Variants in SNTG1 observed in about 807,000 individuals in gnomAD.
SNTG1 encodes the protein syntrophin gamma 1.
A neutral mutation model predicts 74.7 loss-of-function variants in SNTG1; 39 were observed. That is an observed-to-expected ratio of 0.52 (90% CI 0.40 to 0.68). SNTG1 has a LOEUF of 0.68. Ranked by LOEUF, SNTG1 falls within the 30% of genes least tolerant of loss-of-function variation. The probability of loss-of-function intolerance (pLI) is 0.00; values close to 1 mark genes in which losing one functional copy is unlikely to be tolerated. For synonymous variants in SNTG1, 254 were observed against 217.1 expected, an observed-to-expected ratio of 1.17 and a Z score of -1.49; for missense variants, 685 against 609.5, an observed-to-expected ratio of 1.12 and a Z score of -1.30.
At chr8:50,371,034 C>A (rs763916466) in intron 2 of SNTG1, among the ~76,000 whole-genome samples, 9 of 152,012 alleles carry the variant, frequency 5.9e-5, no homozygotes, top group Non-Finnish European at 1.0e-4. Flanking sequence ...CCTAATGTGA[C>A]CAAGTTAGAA....
intron 1 of SNTG1, among the ~76,000 whole-genome samples, chr8:49,990,995 T>C (rs1223517277): frequency 6.6e-6 from 1 of 152,026 alleles, no homozygotes; most frequent in African/African-American, 2.4e-5. Flanking sequence ...ATTAAGAGAA[T>C]CAAAGGGCAG....
intron 1 of SNTG1, among the ~76,000 whole-genome samples, chr8:50,117,849 T>G (rs2080874315): frequency 6.6e-6 from 1 of 152,162 alleles, no homozygotes; most frequent in Non-Finnish European, 1.5e-5. Flanking sequence ...ATATTAGGTC[T>G]GAAGTTAGGT....
chr8:49,964,647 G>C (rs990910426), intron 1 of SNTG1, among the ~76,000 whole-genome samples: 4 of 152,138 alleles, frequency 2.6e-5, no homozygotes, highest in Non-Finnish European at 5.9e-5. Context: ...CTCTGGAACA[G>C]GTGCGTTCTA....
At chr8:49,962,794 T>A (rs1298592545) in intron 1 of SNTG1, among the ~76,000 whole-genome samples, 1 of 152,224 alleles carries the variant, frequency 6.6e-6, no homozygotes, top group Non-Finnish European at 1.5e-5. Flanking sequence ...AATTTCACCA[T>A]GCTGGCCAGG....
At chr8:50,198,237 A>AG (rs2083852212) in intron 2 of SNTG1, among the ~76,000 whole-genome samples, 1 of 152,180 alleles carries the variant, frequency 6.6e-6, no homozygotes, top group African/African-American at 2.4e-5. Context: ...GCTGGGAGAA[A>AG]GCAGTCTCCC....
chr8:50,091,391 A>G (rs948172303), intron 1 of SNTG1, among the ~76,000 whole-genome samples: 5 of 152,058 alleles, frequency 3.3e-5, no homozygotes. Flanking sequence ...TCTGTACATT[A>G]AGTCTCTAGA....
intron 1 of SNTG1, among the ~76,000 whole-genome samples, chr8:50,149,402 CCCATTTGTCAATTTTGGCTTTTGTTG>C (rs1374577902): frequency 1.3e-5 from 2 of 152,290 alleles, no homozygotes; most frequent in East Asian, 3.9e-4. Context: ...TTGATTAGAT[CCCATTTGTCAATTTTGGCTTTTGTTG>C]CCATTGCTTT....
chr8:50,320,592 G>A (rs1201703085), intron 2 of SNTG1, among the ~76,000 whole-genome samples: 1 of 150,644 alleles, frequency 6.6e-6, no homozygotes, highest in African/African-American at 2.4e-5. Flanking sequence ...AGTTCTTTAG[G>A]ATGCATCACT....
chr8:50,338,826 C>A (rs2091233127), intron 2 of SNTG1, among the ~76,000 whole-genome samples: 1 of 151,802 alleles, frequency 6.6e-6, no homozygotes, highest in African/African-American at 2.4e-5. Context: ...ATGGGAATAC[C>A]AGAAGAAGAA....
chr8:50,057,514 C>A (rs1820126308), intron 1 of SNTG1, among the ~76,000 whole-genome samples: 1 of 152,064 alleles, frequency 6.6e-6, no homozygotes, highest in African/African-American at 2.4e-5. Context: ...AGGTCAAAGT[C>A]AAATCCAAGA....
chr8:49,959,002 G>A (rs567313149), intron 1 of SNTG1, among the ~76,000 whole-genome samples: 84 of 152,230 alleles, frequency 5.5e-4, no homozygotes, highest in African/African-American at 1.9e-3. Flanking sequence ...TAGTTAATGT[G>A]CAAAATATGA....
chr8:50,530,934 G>A (rs1393988859), intron 10 of SNTG1, among the ~76,000 whole-genome samples: 2 of 152,134 alleles, frequency 1.3e-5, no homozygotes, highest in African/African-American at 4.8e-5. Flanking sequence ...GTTATAAGCA[G>A]ATCTAACAAT....
chr8:50,187,719 C>A (rs1410988407), intron 2 of SNTG1, among the ~76,000 whole-genome samples: 2 of 152,156 alleles, frequency 1.3e-5, no homozygotes, highest in Non-Finnish European at 2.9e-5. Context: ...ATACTACGTA[C>A]AATGCCATGA....
At chr8:50,409,443 C>A (rs560324141) in intron 4 of SNTG1, among the ~76,000 whole-genome samples, 1 of 152,308 alleles carries the variant, frequency 6.6e-6, no homozygotes, top group Non-Finnish European at 1.5e-5. Context: ...AAACCTGTTT[C>A]ATCTGTGATC....
chr8:50,409,373 T>G (rs528626254), intron 4 of SNTG1, among the ~76,000 whole-genome samples: 452 of 152,314 alleles, frequency 3.0e-3, no homozygotes, highest in Non-Finnish European at 5.4e-3. Context: ...TTGAGGAACA[T>G]TCTGTGATTT....
chr8:50,406,528 C>A (rs1212913309), intron 4 of SNTG1, among the ~76,000 whole-genome samples: 1 of 152,076 alleles, frequency 6.6e-6, no homozygotes, highest in Non-Finnish European at 1.5e-5. Flanking sequence ...ACTATTATTT[C>A]TTTCTCCTGC....
intron 1 of SNTG1, among the ~76,000 whole-genome samples, chr8:49,976,356 C>A (rs1339569526): frequency 6.6e-6 from 1 of 152,116 alleles, no homozygotes; most frequent in African/African-American, 2.4e-5. Context: ...TCCACTTATT[C>A]TCTGTGTTTT....
At chr8:50,452,568 A>G (rs751927720) in intron 8 of SNTG1, among the ~76,000 whole-genome samples, 12 of 152,218 alleles carry the variant, frequency 7.9e-5, no homozygotes, top group Non-Finnish European at 1.6e-4. Flanking sequence ...TGGAGCTTTG[A>G]TTAAACAGAT....
At chr8:49,958,735 T>C (rs529506572) in intron 1 of SNTG1, among the ~76,000 whole-genome samples, 7 of 152,322 alleles carry the variant, frequency 4.6e-5, no homozygotes, top group Admixed American at 4.6e-4. Context: ...TTCCTTCTAA[T>C]CCAAGAATTT....
Sources: gnomAD v4.1 joint callset for allele counts (sites outside exome capture counted in the v4.1 genomes callset) on GRCh38, gnomAD v4.1.1 for gene constraint, MANE v1.5 for transcripts, NCBI Gene and HGNC (gene_info 2026-07-23, HGNC 2026-07-21) for gene names.